The following MTHFD1L variants were observed in gnomAD, a reference collection of about 807,000 sequenced individuals.
MTHFD1L encodes monofunctional C1-tetrahydrofolate synthase, mitochondrial.
MTHFD1L carries 81 observed loss-of-function variants against 119.5 expected under a neutral mutation model. The observed-to-expected ratio is 0.68, with a 90% CI of 0.57 to 0.82. The LOEUF (loss-of-function observed/expected upper bound fraction) is 0.82. MTHFD1L is among the 40% of genes least tolerant of loss of function. MTHFD1L has a pLI of 0.00. For synonymous variants in MTHFD1L, 430 were observed against 475.2 expected, an observed-to-expected ratio of 0.90 and a Z score of 1.24; for missense variants, 1,125 against 1,253.4, an observed-to-expected ratio of 0.90 and a Z score of 1.55.
chr6:151,015,543 G>A lies in MTHFD1L; in HGVS notation c.2436G>A (p.Leu812=). ...FKTDTRAEID[L]VCELAKRAGA... Reference sequence around the variant, plus strand: ...CCGACACCCGCGCTGAGATTGACTTGGTGTGTGAGCTTGCAAAGCGGGCTG... The same window carrying A: ...CCGACACCCGCGCTGAGATTGACTTAGTGTGTGAGCTTGCAAAGCGGGCTG... The change falls in exon 24 of 28, where the codon TTG becomes TTA. Residue 812 remains leucine (L), a synonymous_variant. Transcript: ENST00000367321. 1.2e-6 allele frequency: 2 copies of A among 1,613,772 alleles called. No homozygotes were observed. Among genetic ancestry groups the A allele is most frequent in the Non-Finnish European group, 1.7e-6 (2 of 1,179,922 alleles).
intron 13 of MTHFD1L, 132 bp downstream of exon 13, chr6:150,938,877 A>C: frequency 1.0e-6 from 1 of 975,854 alleles, no homozygotes; most frequent in Non-Finnish European, 1.6e-6. Flanking sequence ...GAAACCCCAA[A>C]ATGTTTGCAT....
At chr6:150,883,037 AT>A (rs763165853) in intron 5 of MTHFD1L, 151 bp downstream of exon 5, 60,083 of 582,358 alleles carry the variant, frequency 0.1, no homozygotes, top group South Asian at 0.18. Context: ...AGTCTATAGG[AT>A]TTTTTTTTTT....
At chr6:150,996,714 A>G (rs1247818389) in intron 20 of MTHFD1L, among the ~76,000 whole-genome samples, 1 of 152,188 alleles carries the variant, frequency 6.6e-6, no homozygotes, top group African/African-American at 2.4e-5. Flanking sequence ...TCACAAGGCA[A>G]AACATTTCTC....
intron 24 of MTHFD1L, among the ~76,000 whole-genome samples, chr6:151,029,729 G>C (rs1055816240): frequency 3.9e-5 from 6 of 152,192 alleles, no homozygotes; most frequent in African/African-American, 1.4e-4. Flanking sequence ...CCAGGAGGCA[G>C]AGGTTGCAGT....
chr6:150,997,390 G>C (rs768559042), intron 20 of MTHFD1L, among the ~76,000 whole-genome samples: 13 of 152,186 alleles, frequency 8.5e-5, no homozygotes, highest in Non-Finnish European at 1.6e-4. Context: ...CATTTTTGCT[G>C]TCCGGCTCCA....
chr6:150,944,416 C>G (rs1026017747), intron 13 of MTHFD1L, 70 bp from the exon 14 acceptor site: 4 of 1,194,078 alleles, frequency 3.3e-6, no homozygotes, highest in African/African-American at 3.0e-5. Context: ...CCACTGCACT[C>G]CAGCCTGGGC....
At chr6:150,907,875 C>T (rs542573462) in intron 8 of MTHFD1L, among the ~76,000 whole-genome samples, 2 of 151,358 alleles carry the variant, frequency 1.3e-5, no homozygotes, top group South Asian at 2.1e-4. Context: ...TAGTACCTGA[C>T]GCTTAGTAAC....
chr6:150,891,177 G>C (rs1217734634), intron 7 of MTHFD1L, among the ~76,000 whole-genome samples: 36 of 152,078 alleles, frequency 2.4e-4, no homozygotes, highest in Non-Finnish European at 4.4e-5. Flanking sequence ...GTAGAGACAG[G>C]GTTTCACCAT....
At chr6:150,871,079 T>TTA (rs1181192531) in intron 1 of MTHFD1L, among the ~76,000 whole-genome samples, 2 of 144,760 alleles carry the variant, frequency 1.4e-5, no homozygotes, top group African/African-American at 2.5e-5. Context: ...TATACCTTAA[T>TTA]TATATATATA....
chr6:150,928,162 G>A (rs377175438), intron 11 of MTHFD1L, among the ~76,000 whole-genome samples: 15 of 151,960 alleles, frequency 9.9e-5, no homozygotes, highest in Non-Finnish European at 1.2e-4. Flanking sequence ...CAGGCCAAGC[G>A]CGGTGGCTCA....
At chr6:150,882,717 T>C in intron 4 of MTHFD1L, 45 bp from the exon 5 acceptor site, 1 of 1,356,726 alleles carries the variant, frequency 7.4e-7, no homozygotes, top group Non-Finnish European at 9.7e-7. Context: ...TGGGTCTCAT[T>C]TTCACAAAAC....
chr6:151,012,337 C>T (rs1466683698), intron 21 of MTHFD1L, among the ~76,000 whole-genome samples: 1 of 151,982 alleles, frequency 6.6e-6, no homozygotes, highest in Non-Finnish European at 1.5e-5. Flanking sequence ...TATTGAATAG[C>T]TCTGTATTTT....
chr6:151,093,509 T>C (rs367985056), intron 27 of MTHFD1L, among the ~76,000 whole-genome samples: 1 of 151,960 alleles, frequency 6.6e-6, no homozygotes, highest in South Asian at 2.1e-4. Flanking sequence ...ATACGAAAAT[T>C]AGCTGGGCGT....
intron 26 of MTHFD1L, among the ~76,000 whole-genome samples, chr6:151,089,535 G>A (rs535852151): frequency 3.3e-5 from 5 of 152,344 alleles, no homozygotes; most frequent in African/African-American, 1.2e-4. Flanking sequence ...CCCGGGAGGT[G>A]GAGATTGCAG....
At chr6:151,043,258 C>CTTTTTTTT (rs1170553631) in intron 26 of MTHFD1L, among the ~76,000 whole-genome samples, 19 of 78,880 alleles carry the variant, frequency 2.4e-4, no homozygotes, top group South Asian at 6.1e-4. Flanking sequence ...AGTGTTTTCT[C>CTTTTTTTT]TTTTTTTTTT....
intron 4 of MTHFD1L, among the ~76,000 whole-genome samples, chr6:150,878,243 T>TTC (rs577176880): frequency 7.3e-5 from 11 of 151,584 alleles, no homozygotes; most frequent in Non-Finnish European, 7.4e-5. Context: ...ACAAGTTTAT[T>TTC]TCTCTCTCTC....
chr6:150,912,876 C>A, intron 8 of MTHFD1L: 1 of 185,058 alleles, frequency 5.4e-6, no homozygotes. Flanking sequence ...TGCCCCTACA[C>A]GGGCAGGGGG....
chr6:151,062,737 A>T (rs545098565), intron 26 of MTHFD1L, among the ~76,000 whole-genome samples: 82 of 152,310 alleles, frequency 5.4e-4, no homozygotes, highest in African/African-American at 1.9e-3. Flanking sequence ...AAACCTGCAA[A>T]CTGTAAAATG....
chr6:150,922,194 C>A lies in MTHFD1L; in HGVS notation c.985-11C>A. ...CATTCTAACATGTTTTCCCCTCTAT[C>A]CCTGCTGAAGAACATGGTCAGTAGT... On this transcript the variant is annotated splice_polypyrimidine_tract_variant and intron_variant, in intron 9 of 27. Coordinates refer to ENST00000367321, the MANE Select transcript of MTHFD1L (RefSeq NM_015440.5). 2 of 1,607,274 alleles carry A rather than the reference C, an allele frequency of 1.2e-6. No individual in the cohort carries two copies. The highest frequency in any genetic ancestry group is 1.7e-6 in the Non-Finnish European group (2 of 1,173,956).
Sources: allele counts gnomAD v4.1 joint callset (sites outside exome capture counted in the v4.1 genomes callset), GRCh38; gene constraint gnomAD v4.1.1; transcripts MANE v1.5; gene names NCBI Gene and HGNC (gene_info 2026-07-23, HGNC 2026-07-21).